Variants in ZNRF1 observed in about 807,000 individuals in gnomAD.
ZNRF1 encodes the protein zinc and ring finger 1.
In ZNRF1, 3 loss-of-function variants were observed where a neutral mutation model predicts 18.4. That is an observed-to-expected ratio of 0.16 (90% confidence interval 0.07 to 0.42). The LOEUF (loss-of-function observed/expected upper bound fraction) is 0.42, where lower values mean the gene tolerates loss of function less well. ZNRF1 is among the 10% of genes least tolerant of loss of function. The probability of loss-of-function intolerance (pLI) is 0.99; values close to 1 mark genes in which losing one functional copy is unlikely to be tolerated. For synonymous variants in ZNRF1, 157 were observed against 144.2 expected (o/e 1.09, Z -0.64); for missense variants, 310 against 329.8 (o/e 0.94, Z 0.47).
chr16:75,040,598 GTTTTT>G (rs61513153), intron 1 of ZNRF1, among the ~76,000 whole-genome samples: 23 of 46,388 alleles, frequency 5.0e-4, no homozygotes, highest in Non-Finnish European at 6.5e-4. Flanking sequence ...TTTTTTGTGG[GTTTTT>G]TTTTTTTTTT....
chr16:75,077,171 C>T (rs1481396364), intron 1 of ZNRF1, among the ~76,000 whole-genome samples: 3 of 152,060 alleles, frequency 2.0e-5, no homozygotes, highest in Admixed American at 6.6e-5. Context: ...GGTGGGCGGA[C>T]CACGAGGTCA....
At chr16:75,092,597 A>G (rs2036152645) in intron 1 of ZNRF1, among the ~76,000 whole-genome samples, 1 of 152,280 alleles carries the variant, frequency 6.6e-6, no homozygotes, top group Admixed American at 6.5e-5. Flanking sequence ...TGTTGTATGG[A>G]CAAATGGATC....
At chr16:75,042,040 C>T (rs868691188) in intron 1 of ZNRF1, among the ~76,000 whole-genome samples, 8 of 152,104 alleles carry the variant, frequency 5.3e-5, no homozygotes, top group South Asian at 2.1e-4. Flanking sequence ...GTTTTAGGTT[C>T]ACAGCAAAAT....
At chr16:75,072,372 C>A (rs2035880581) in intron 1 of ZNRF1, among the ~76,000 whole-genome samples, 2 of 152,174 alleles carry the variant, frequency 1.3e-5, no homozygotes, top group Admixed American at 1.3e-4. Context: ...GCAGTGCAGG[C>A]CCCACTCCTA....
intron 1 of ZNRF1, among the ~76,000 whole-genome samples, chr16:75,043,546 C>T (rs570218238): frequency 6.6e-6 from 1 of 152,224 alleles, no homozygotes; most frequent in South Asian, 2.1e-4. Flanking sequence ...ACTTACAGAA[C>T]ATTTAACTAT....
chr16:75,066,030 C>G (rs2035799137), intron 1 of ZNRF1, among the ~76,000 whole-genome samples: 1 of 152,190 alleles, frequency 6.6e-6, no homozygotes, highest in Non-Finnish European at 1.5e-5. Flanking sequence ...GAGTGAGATG[C>G]CAAACCACAG....
intron 1 of ZNRF1, among the ~76,000 whole-genome samples, chr16:75,064,929 T>A (rs1039590736): frequency 1.3e-5 from 2 of 152,160 alleles, no homozygotes; most frequent in African/African-American, 2.4e-5. Context: ...CCTTTGCCCC[T>A]CACAGGGCCC....
intron 1 of ZNRF1, among the ~76,000 whole-genome samples, chr16:75,062,336 A>G (rs2035754126): frequency 6.6e-6 from 1 of 152,256 alleles, no homozygotes; most frequent in African/African-American, 2.4e-5. Context: ...CTCTCAAGGC[A>G]TCTCTGAAGG....
At chr16:75,050,639 C>A (rs907348716) in intron 1 of ZNRF1, among the ~76,000 whole-genome samples, 1 of 151,740 alleles carries the variant, frequency 6.6e-6, no homozygotes, top group Non-Finnish European at 1.5e-5. Flanking sequence ...GAGGCCAAGG[C>A]GGGCGGATCA....
intron 4 of ZNRF1, chr16:75,107,444 A>G (rs2036330746): frequency 4.0e-6 from 1 of 252,486 alleles, no homozygotes. Context: ...TATTCCAAGT[A>G]AACTCCCAGA....
intron 1 of ZNRF1, among the ~76,000 whole-genome samples, chr16:75,078,789 A>C (rs1353428869): frequency 2.0e-5 from 3 of 152,252 alleles, no homozygotes; most frequent in Non-Finnish European, 4.4e-5. Context: ...TGTGAGGACC[A>C]ATACAGATAT....
chr16:75,002,300 C>G (rs1441129025), intron 1 of ZNRF1: 4 of 152,234 alleles, frequency 2.6e-5, no homozygotes, highest in African/African-American at 9.6e-5. Flanking sequence ...ATGGGATCTT[C>G]CAGGACATCT....
chr16:75,055,570 A>G (rs933189104), intron 1 of ZNRF1, among the ~76,000 whole-genome samples: 9 of 152,154 alleles, frequency 5.9e-5, no homozygotes, highest in African/African-American at 1.9e-4. Flanking sequence ...TCGTCTCCCT[A>G]TGAGAGGCCT....
chr16:75,000,518 A>G, intron 1 of ZNRF1: 1 of 332,508 alleles, frequency 3.0e-6, no homozygotes, highest in South Asian at 2.4e-5. Flanking sequence ...AGAGTGTGTG[A>G]AAATGAAATA....
intron 1 of ZNRF1, among the ~76,000 whole-genome samples, chr16:75,004,290 C>T (rs909533959): frequency 6.6e-6 from 1 of 152,192 alleles, no homozygotes; most frequent in African/African-American, 2.4e-5. Flanking sequence ...GAGTGACTCC[C>T]TTTCCACGTT....
At chr16:75,051,530 T>G (rs12919299) in intron 1 of ZNRF1, among the ~76,000 whole-genome samples, 54,876 of 147,812 alleles carry the variant, frequency 0.37, 11,165 homozygotes, top group East Asian at 0.61. Flanking sequence ...CTTTTTTTTT[T>G]TGGGGGGGAC....
chr16:75,013,650 A>T (rs2035028992), intron 1 of ZNRF1, among the ~76,000 whole-genome samples: 1 of 151,734 alleles, frequency 6.6e-6, no homozygotes, highest in African/African-American at 2.4e-5. Flanking sequence ...AGGCCTGTCC[A>T]TTCAGTTTTA....
chr16:75,105,956 CG>C (rs2036311834), intron 3 of ZNRF1: 1 of 153,848 alleles, frequency 6.5e-6, no homozygotes, highest in Admixed American at 6.4e-5. Context: ...ATGGCTGAGC[CG>C]GGTAGAGCTT....
At chr16:75,022,944 G>A (rs543032340) in intron 1 of ZNRF1, among the ~76,000 whole-genome samples, 11 of 152,314 alleles carry the variant, frequency 7.2e-5, no homozygotes, top group Non-Finnish European at 1.3e-4. Flanking sequence ...GCATTCTTAG[G>A]ATGATTTATG....
Sources: allele counts gnomAD v4.1 joint callset (sites outside exome capture counted in the v4.1 genomes callset), GRCh38; gene constraint gnomAD v4.1.1; transcripts MANE v1.5; gene names NCBI Gene and HGNC (gene_info 2026-07-23, HGNC 2026-07-21).